ZSCAN20: variants seen among roughly 807,000 people sequenced by gnomAD.
The protein encoded by ZSCAN20 is zinc finger and SCAN domain-containing protein 20.
In ZSCAN20, 39 loss-of-function variants were observed where a neutral mutation model predicts 97.1. The ratio of observed to expected loss-of-function variants is 0.40; its 90% confidence interval spans 0.31 to 0.52. ZSCAN20 has a LOEUF of 0.52. Ranked by LOEUF, ZSCAN20 falls within the 20% of genes least tolerant of loss-of-function variation. The pLI, the probability that ZSCAN20 is intolerant of heterozygous loss-of-function variation, is 0.49. For missense variants in ZSCAN20, 1,115 were observed against 1,290.4 expected, an observed-to-expected ratio of 0.86 and a Z score of 2.08; for synonymous variants, 456 against 467.3, an observed-to-expected ratio of 0.98 and a Z score of 0.31.
rs1215723211 is a variant in ZSCAN20 at position 33,495,177 on chromosome 1, A to T, written c.2833A>T (p.Lys945Ter). 1.2e-6 allele frequency: 2 copies of T among 1,613,944 alleles called. No individual in the cohort carries two copies. Among genetic ancestry groups the T allele is most frequent in the Non-Finnish European group, 1.7e-6 (2 of 1,179,988 alleles). Residue 945 changes from lysine (K) to a stop codon, truncating the protein, a stop_gained, in exon 8 of 8, where the codon AAG (lysine) becomes TAG (stop). Transcript: ENST00000684572. LOFTEE classifies it high-confidence loss of function. Reference sequence around the variant, plus strand: ...TGGGAAGTGCTTCAGTGAGCGCTCCAAGCTCATCACACACCAGAGAGTGCA... The same window carrying T: ...TGGGAAGTGCTTCAGTGAGCGCTCCTAGCTCATCACACACCAGAGAGTGCA... ...DCGKCFSERS[K>*]LITHQRVHTG...
chr1:33,488,754 C>CA (rs951318624), intron 3 of ZSCAN20, 103 bp downstream of exon 3: 1 of 1,250,670 alleles, frequency 8.0e-7, no homozygotes, highest in Non-Finnish European at 1.1e-6. Flanking sequence ...GAATTCAAAG[C>CA]AAGGGATAGG....
chr1:33,483,740 C>A (rs1285766968), intron 2 of ZSCAN20, among the ~76,000 whole-genome samples: 1 of 151,264 alleles, frequency 6.6e-6, no homozygotes, highest in Non-Finnish European at 1.5e-5. Context: ...TTGATATCCA[C>A]AAGATAAATT....
At position 33,493,578 on chromosome 1, in the gene ZSCAN20, C is replaced by A; in HGVS notation, c.1836C>A (p.Val612=). ...GTGAAGTGGCCAATGAAGATGCTGT[C>A]AAACCTTCAACCTTGTGTCCTAAAG... is the stretch of plus-strand genomic sequence containing the variant. ...AWGEVANEDA[V]KPSTLCPKAP... is the part of the protein sequence containing the mutation. Residue 612 remains valine (V), a synonymous_variant, in exon 7 of 8, where the codon GTC becomes GTA. Transcript: ENST00000684572. This position sits in a 1 kb window ranked among gnomAD's most constrained non-coding sequence, Gnocchi z 4.3. 1 of 1,602,252 alleles carries A rather than the reference C, an allele frequency of 6.2e-7. No individual in the cohort carries two copies. Among genetic ancestry groups the A allele is most frequent in the Admixed American group, 1.7e-5 (1 of 59,272 alleles).
Position 33,501,619 on chromosome 1 carries a change from T to C in ZSCAN20, c.*6143T>C, listed in dbSNP as rs1055153793. Among the ~76,000 whole-genome samples, 2 of 151,670 alleles carry C rather than the reference T, an allele frequency of 1.3e-5. No homozygotes were observed. Among genetic ancestry groups the C allele is most frequent in the African/African-American group, 2.4e-5 (1 of 41,236 alleles). On this transcript the variant is annotated 3_prime_UTR_variant, in exon 8 of 8. Coordinates refer to ENST00000684572, the MANE Select transcript of ZSCAN20 (RefSeq NM_001377376.1). ...GGGATGGAATGGCCTGATAAGTTAA[T>C]AAATTATATTAAACTGCCAAAAAAG...
rs34118566 is a variant in ZSCAN20 at position 33,491,548 on chromosome 1, C to G, written c.1290C>G (p.Leu430=). Residue 430 remains leucine, a synonymous_variant, in exon 6 of 8, where the codon CTC becomes CTG. Coordinates refer to ENST00000684572, the MANE Select transcript of ZSCAN20 (RefSeq NM_001377376.1). This position sits in a 1 kb window ranked among gnomAD's most constrained non-coding sequence, Gnocchi z 4.3. The stretch of plus-strand genomic sequence containing the variant: ...GAGAGGCCGTGGCACTTCCCAGGCT[C>G]GGGTATAGTGACGCAGAGATGGATG... ...GPGEAVALPR[L]GYSDAEMDEQ... is the part of the protein sequence containing the mutation. 3.1e-6 allele frequency: 5 copies of G among 1,614,018 alleles called. No homozygotes were observed. Among genetic ancestry groups the G allele is most frequent in the Non-Finnish European group, 2.5e-6 (3 of 1,179,958 alleles).
At position 33,488,473 on chromosome 1, in the gene ZSCAN20, A is replaced by G; in HGVS notation, c.426A>G (p.Glu142=). The change falls in exon 3 of 8, where the codon GAA becomes GAG. Residue 142 remains glutamate (E), a synonymous_variant. Coordinates refer to ENST00000684572, the MANE Select transcript of ZSCAN20 (RefSeq NM_001377376.1). ...TGACTATTTGTGTGTAGGGACTGGA[A>G]TTGCATACAGAAGAGACCAGGCCCT... is the stretch of plus-strand genomic sequence containing the variant. The part of the protein sequence containing the change: ...ETRTAGQSGL[E]LHTEETRPLK... 1.2e-6 allele frequency: 2 copies of G among 1,612,094 alleles called. No homozygotes were observed. Among genetic ancestry groups the G allele is most frequent in the Non-Finnish European group, 1.7e-6 (2 of 1,179,486 alleles).
intron 4 of ZSCAN20, 26 bp downstream of exon 4, chr1:33,489,217 C>A (rs1333331954): frequency 1.2e-6 from 2 of 1,605,260 alleles, no homozygotes. Flanking sequence ...TTCTTCCTTT[C>A]CTGTCATTGC....
intron 2 of ZSCAN20, among the ~76,000 whole-genome samples, chr1:33,483,305 A>G (rs761739200): frequency 1.5e-4 from 22 of 150,700 alleles, no homozygotes; most frequent in Admixed American, 2.0e-4. Context: ...TGTTGAAAAT[A>G]TATTTGCTTC....
At chr1:33,488,350 C>G in intron 2 of ZSCAN20, 115 bp from the exon 3 acceptor site, 1 of 1,037,702 alleles carries the variant, frequency 9.6e-7, no homozygotes, top group East Asian at 2.4e-5. Flanking sequence ...CATCCTATTT[C>G]AAGCCATTTT....
At chr1:33,488,720 G>A in intron 3 of ZSCAN20, 69 bp downstream of exon 3, 1 of 1,515,032 alleles carries the variant, frequency 6.6e-7, no homozygotes, top group Non-Finnish European at 8.9e-7. Context: ...GTGAGGAAGG[G>A]TGCATGGGGA....
rs1208424782 is a variant in ZSCAN20 at position 33,496,166 on chromosome 1, C to G, written c.*690C>G. The stretch of plus-strand genomic sequence containing the variant: ...GGGAAATTAAGTAACTCGCACTGGT[C>G]ACACATCTGTAAGTGGGAGAGGCAG... On this transcript the variant is annotated 3_prime_UTR_variant, in exon 8 of 8. Transcript: ENST00000684572. The G allele has an allele frequency of 2.0e-5, 3 of 152,194 alleles. No homozygotes were observed. Among genetic ancestry groups the G allele is most frequent in the African/African-American group, 7.2e-5 (3 of 41,444 alleles). The allele number at this position is 152,194 out of a possible 1,614,324, so 9.4% of individuals were successfully genotyped here. A position where few individuals can be genotyped will look rare whatever the true frequency, so the allele number is the denominator to read the frequency against.
chr1:33,479,353 T>C lies in ZSCAN20; in HGVS notation c.65T>C (p.Ile22Thr), dbSNP rs763332431. ...CAGCCAGAGCCTGAAGAACTCCTGATTGTGAAACTGGAAGAGGACTCTTGG... is the reference window on the plus strand; with the variant it reads ...CAGCCAGAGCCTGAAGAACTCCTGACTGTGAAACTGGAAGAGGACTCTTGG... ...SPQPEPEELL[I>T]VKLEEDSWGS... is the part of the protein sequence containing the mutation. The change falls in exon 2 of 8, where the codon ATT (isoleucine) becomes ACT (threonine). Residue 22 changes from isoleucine (I) to threonine (T), a missense_variant. Physicochemically the swap from Ile to Thr is moderately conservative, Grantham distance 89. Coordinates refer to ENST00000684572, the MANE Select transcript of ZSCAN20 (RefSeq NM_001377376.1). 6.2e-6 allele frequency: 10 copies of C among 1,614,154 alleles called. No homozygotes were observed. In the South Asian group the frequency reaches 8.8e-5, roughly 14 times the overall value.
intron 1 of ZSCAN20, among the ~76,000 whole-genome samples, chr1:33,476,333 G>C (rs1557433868): frequency 6.6e-6 from 1 of 151,776 alleles, no homozygotes; most frequent in Non-Finnish European, 1.5e-5. Context: ...TGGTTCCTTA[G>C]AAAAAAAAGG....
chr1:33,475,948 G>A (rs182139912), intron 1 of ZSCAN20, among the ~76,000 whole-genome samples: 378 of 152,058 alleles, frequency 2.5e-3, no homozygotes, highest in African/African-American at 3.9e-3. Context: ...GATTACAGGC[G>A]TGAGCCACCG....
intron 1 of ZSCAN20, among the ~76,000 whole-genome samples, chr1:33,476,220 T>C (rs887963239): frequency 4.6e-5 from 7 of 152,342 alleles, no homozygotes; most frequent in Non-Finnish European, 7.3e-5. Flanking sequence ...TGTTCACTTC[T>C]GTGTGAAGTC....
At chr1:33,483,402 T>C (rs922317970) in intron 2 of ZSCAN20, among the ~76,000 whole-genome samples, 28 of 152,100 alleles carry the variant, frequency 1.8e-4, no homozygotes, top group African/African-American at 6.8e-4. Flanking sequence ...GTTCCATTGA[T>C]CGCTTTATTC....
In ZSCAN20 at chr1:33,495,605, A is replaced by G; in HGVS notation, c.*129A>G. 1 of 857,166 alleles carries G rather than the reference A, an allele frequency of 1.2e-6. No individual in the cohort carries two copies. The allele number at this position is 857,166 out of a possible 1,614,324, so 53.1% of individuals were successfully genotyped here. A position where few individuals can be genotyped will look rare whatever the true frequency, so the allele number is the denominator to read the frequency against. ...CAGGGAAGTTATCTTGGTATAAACC[A>G]GGTAATTTGGAAGTGAATTACAAAT... On this transcript the variant is annotated 3_prime_UTR_variant, in exon 8 of 8. Coordinates refer to ENST00000684572, the MANE Select transcript of ZSCAN20 (RefSeq NM_001377376.1).
Position 33,491,801 on chromosome 1 carries a change from G to A in ZSCAN20, c.1444+99G>A, listed in dbSNP as rs1570562340. 6 of 1,265,892 alleles carry A rather than the reference G, an allele frequency of 4.7e-6. No homozygotes were observed. Among genetic ancestry groups the A allele is most frequent in the South Asian group, 1.6e-5 (1 of 62,044 alleles). The allele number at this position is 1,265,892 out of a possible 1,614,324, so 78.4% of individuals were successfully genotyped here. On this transcript the variant is annotated intron_variant, in intron 6 of 7. Transcript: ENST00000684572. The surrounding 1 kb of genome is among the most constrained non-coding windows in gnomAD (Gnocchi z 4.3). ...AGGGCACAGGCTGCAAGTCTGGATT[G>A]AAGCCACTAGAGTGAAGAGCTACAT... is the stretch of plus-strand genomic sequence containing the variant.
Position 33,491,369 on chromosome 1 carries a change from C to A in ZSCAN20, c.1111C>A (p.Arg371=). Residue 371 remains arginine, a synonymous_variant, in exon 6 of 8, where the codon CGG becomes AGG. Transcript: ENST00000684572. This position sits in a 1 kb window ranked among gnomAD's most constrained non-coding sequence, Gnocchi z 4.3. ...AEQLRARGFL[R]TLEQCRYRVK... is the part of the protein sequence containing the mutation. ...GCAGCTAAGGGCAAGGGGCTTCCTG[C>A]GGACACTGGAGCAATGTCGCTATAG... The A allele has an allele frequency of 1.2e-6, 2 of 1,614,092 alleles. No individual in the cohort carries two copies. Among genetic ancestry groups the A allele is most frequent in the Non-Finnish European group, 1.7e-6 (2 of 1,179,998 alleles).
Sources: allele counts gnomAD v4.1 joint callset (sites outside exome capture counted in the v4.1 genomes callset), GRCh38; gene constraint gnomAD v4.1.1; non-coding constraint Gnocchi (gnomAD v3.1); transcripts MANE v1.5; gene names NCBI Gene and HGNC (gene_info 2026-07-23, HGNC 2026-07-21).